The following CDH12 variants were observed in gnomAD, a reference collection of about 807,000 sequenced individuals.
The protein encoded by CDH12 is cadherin-12.
In CDH12, 41 loss-of-function variants were observed where a neutral mutation model predicts 74.1. The ratio of observed to expected loss-of-function variants is 0.55; its 90% CI spans 0.43 to 0.72. The LOEUF is 0.72. Among genes scored for constraint, CDH12 ranks in the 30% least tolerant of loss-of-function variants. The pLI is 0.00. For synonymous variants in CDH12, 399 were observed against 355.0 expected, an observed-to-expected ratio of 1.12 and a Z score of -1.39; for missense variants, 945 against 977.2, an observed-to-expected ratio of 0.97 and a Z score of 0.44.
chr5:22,297,029 T>C (rs1737658011), intron 3 of CDH12, among the ~76,000 whole-genome samples: 1 of 152,024 alleles, frequency 6.6e-6, no homozygotes, highest in Non-Finnish European at 1.5e-5. Flanking sequence ...TTGTTGTTGT[T>C]GTTGGTTTTT....
At chr5:22,425,027 T>C (rs1743838715) in intron 2 of CDH12, among the ~76,000 whole-genome samples, 1 of 149,778 alleles carries the variant, frequency 6.7e-6, no homozygotes, top group South Asian at 2.1e-4. Flanking sequence ...TGCACATTGC[T>C]TTTTTACTGG....
At chr5:22,516,395 CAT>C (rs1239044940) in intron 1 of CDH12, among the ~76,000 whole-genome samples, 1 of 151,884 alleles carries the variant, frequency 6.6e-6, no homozygotes, top group Non-Finnish European at 1.5e-5. Context: ...ATTATGAAAA[CAT>C]AAGGTTTTTA....
intron 6 of CDH12, among the ~76,000 whole-genome samples, chr5:21,966,608 A>G (rs1487689917): frequency 6.6e-6 from 1 of 152,156 alleles, no homozygotes; most frequent in Non-Finnish European, 1.5e-5. Flanking sequence ...AACCTGTTGA[A>G]CATACACCTA....
chr5:21,907,850 ACCT>A (rs958651024), intron 6 of CDH12, among the ~76,000 whole-genome samples: 4 of 152,274 alleles, frequency 2.6e-5, no homozygotes, highest in Admixed American at 1.3e-4. Flanking sequence ...GAATGATGTC[ACCT>A]CCTCACTGTA....
intron 2 of CDH12, among the ~76,000 whole-genome samples, chr5:22,426,537 A>C (rs1743949610): frequency 1.3e-5 from 2 of 152,106 alleles, no homozygotes; most frequent in East Asian, 1.9e-4. Context: ...CGAATATTCT[A>C]GTTGCCTTCA....
rs536758915 is a variant in CDH12 at position 21,898,230 on chromosome 5, T to C, written c.527-43440A>G. On this transcript the variant is annotated intron_variant, in intron 6 of 14. Transcript: ENST00000382254. ...CTGTTTTTCTTTTTAATATTTTATT[T>C]TATTTTTAGAGACAGGGTCTCACTC... Among the ~76,000 whole-genome samples the C allele has an allele frequency of 5.9e-5, 9 of 152,162 alleles. No individual in the cohort carries two copies. In the East Asian group the frequency reaches 1.3e-3, roughly 23 times the overall value.
At chr5:22,780,494 CCTT>C (rs1747332825) in intron 1 of CDH12, among the ~76,000 whole-genome samples, 1 of 152,116 alleles carries the variant, frequency 6.6e-6, no homozygotes, top group African/African-American at 2.4e-5. Context: ...AGAAAGGCAA[CCTT>C]CTTCACAGGG....
At chr5:22,056,058 T>A (rs1313932639) in intron 5 of CDH12, among the ~76,000 whole-genome samples, 1 of 152,128 alleles carries the variant, frequency 6.6e-6, no homozygotes, top group Non-Finnish European at 1.5e-5. Flanking sequence ...ATTTGCAAAA[T>A]TTTTTAGTAC....
chr5:22,338,195 A>T (rs1441642740), intron 3 of CDH12, among the ~76,000 whole-genome samples: 2 of 152,154 alleles, frequency 1.3e-5, no homozygotes, highest in African/African-American at 2.4e-5. Flanking sequence ...TGAACTGATT[A>T]AAAAAATGTG....
intron 3 of CDH12, among the ~76,000 whole-genome samples, chr5:22,333,904 CTG>C (rs1261428704): frequency 6.6e-6 from 1 of 152,076 alleles, no homozygotes; most frequent in Non-Finnish European, 1.5e-5. Context: ...TCAATTGATG[CTG>C]AAAAAGAATT....
intron 1 of CDH12, among the ~76,000 whole-genome samples, chr5:22,748,416 T>A (rs1223076630): frequency 6.6e-6 from 1 of 152,154 alleles, no homozygotes; most frequent in Admixed American, 6.5e-5. Flanking sequence ...AGTAAAATAT[T>A]TGTGAGACAT....
chr5:22,557,074 A>C, intron 1 of CDH12, among the ~76,000 whole-genome samples: 1 of 152,100 alleles, frequency 6.6e-6, no homozygotes, highest in East Asian at 1.9e-4. Flanking sequence ...CTAGTTAAGT[A>C]TAATTCTTTC....
At chr5:22,819,086 T>C (rs925209237) in intron 1 of CDH12, among the ~76,000 whole-genome samples, 2 of 152,062 alleles carry the variant, frequency 1.3e-5, no homozygotes, top group African/African-American at 4.8e-5. Flanking sequence ...TGAATCAGTG[T>C]GTTGGAGAAA....
At chr5:22,566,618 T>C (rs1739298666) in intron 1 of CDH12, among the ~76,000 whole-genome samples, 1 of 152,186 alleles carries the variant, frequency 6.6e-6, no homozygotes, top group Admixed American at 6.5e-5. Context: ...CTTCCTAGAA[T>C]CTTTCTTCTC....
chr5:22,699,389 A>G lies in CDH12; in HGVS notation c.-523+153669T>C, dbSNP rs955860493. Among the ~76,000 whole-genome samples, 10 of 152,344 alleles carry G rather than the reference A, an allele frequency of 6.6e-5. No homozygotes were observed. In the South Asian group the frequency reaches 2.1e-3, roughly 32 times the overall value. Reference sequence around the variant, plus strand: ...TACAAAGTGGGATTTCATGTGAATGAATTTCCCAAGGGTACTGAGATTTAC... The same window carrying G: ...TACAAAGTGGGATTTCATGTGAATGGATTTCCCAAGGGTACTGAGATTTAC... On this transcript the variant is annotated intron_variant, in intron 1 of 14. Coordinates refer to ENST00000382254, the MANE Select transcript of CDH12 (RefSeq NM_004061.5).
At chr5:22,345,474 CCA>C (rs1206453833) in intron 3 of CDH12, among the ~76,000 whole-genome samples, 1 of 152,120 alleles carries the variant, frequency 6.6e-6, no homozygotes, top group Non-Finnish European at 1.5e-5. Context: ...TTTGTGTCAG[CCA>C]CAGATTCTTT....
chr5:22,083,751 G>C (rs954623932), intron 4 of CDH12, among the ~76,000 whole-genome samples: 4 of 152,116 alleles, frequency 2.6e-5, no homozygotes, highest in Non-Finnish European at 5.9e-5. Context: ...TGACTACAGA[G>C]CTCATACTCT....
chr5:22,184,661 A>G (rs982382103), intron 4 of CDH12, among the ~76,000 whole-genome samples: 25 of 152,174 alleles, frequency 1.6e-4, no homozygotes, highest in Non-Finnish European at 3.5e-4. Flanking sequence ...TGAGAACTAC[A>G]TCTTCTTATT....
chr5:22,130,274 G>T (rs577402907), intron 4 of CDH12, among the ~76,000 whole-genome samples: 1 of 151,392 alleles, frequency 6.6e-6, no homozygotes, highest in Non-Finnish European at 1.5e-5. Context: ...AGAGGAGAAA[G>T]TGTTCTGAAG....
Sources: allele counts gnomAD v4.1 joint callset (sites outside exome capture counted in the v4.1 genomes callset), GRCh38; gene constraint gnomAD v4.1.1; transcripts MANE v1.5; gene names NCBI Gene and HGNC (gene_info 2026-07-23, HGNC 2026-07-21).